GON4L: variants seen among roughly 807,000 people sequenced by gnomAD.
GON4L encodes the protein GON-4-like protein.
GON4L carries 87 observed loss-of-function variants against 211.8 expected under a neutral mutation model. The observed-to-expected ratio is 0.41, with a 90% CI of 0.35 to 0.49. The LOEUF is 0.49. Ranked by LOEUF, GON4L falls within the 20% of genes least tolerant of loss-of-function variation. The pLI is 0.15. For missense variants in GON4L, 2,155 were observed against 2,659.5 expected (o/e 0.81, Z 4.17); for synonymous variants, 875 against 962.6 (o/e 0.91, Z 1.68).
In GON4L at chr1:155,813,768, T is replaced by C. The variant is rs1347857153; in HGVS notation, c.1318A>G (p.Ser440Gly). The C allele has an allele frequency of 4.3e-6, 7 of 1,613,934 alleles. No individual in the cohort carries two copies. The highest frequency in any genetic ancestry group is 5.9e-6 in the Non-Finnish European group (7 of 1,179,842). ...GGCCCCATGGGCACTACCTCAGCAC[T>C]GATGTGCCTGATGGCTGGTGTGGTG... ...KVTTPAIRHI[S>G]AEVVPMGPPP... Residue 440 changes from serine to glycine, a missense_variant, in exon 10 of 32, where the codon AGT (serine) becomes GGT (glycine). Around this residue, in one of 6 missense-constraint regions of GON4L, gnomAD observed 551 missense variants for 854.0 expected, o/e 0.65. Transcript: ENST00000368331.
At chr1:155,857,262 G>A (rs115195577), upstream of GON4L, 148 of 152,584 alleles carry the variant, frequency 9.7e-4, no homozygotes, top group Non-Finnish European at 1.7e-3. Flanking sequence ...GCGCCGCAGT[G>A]CATCAAGGAG....
chr1:155,856,166 G>A (rs1247569331), intron 1 of GON4L, among the ~76,000 whole-genome samples: 1 of 151,920 alleles, frequency 6.6e-6, no homozygotes. Context: ...AAAAATAAAA[G>A]TTATTTGTAA....
chr1:155,826,566 C>CAA (rs58848983), intron 3 of GON4L, among the ~76,000 whole-genome samples: 53 of 63,754 alleles, frequency 8.3e-4, no homozygotes, highest in East Asian at 5.0e-3. Context: ...AACTCCGTCT[C>CAA]AAAAAAAAAA....
chr1:155,777,706 C>G lies in GON4L; in HGVS notation c.2007G>C (p.Lys669Asn). The stretch of plus-strand genomic sequence containing the variant: ...GAACTTTCTCACTCTGGGGTTTAAC[C>G]TTCTCTACTTCCTGCAGCTGTTTGG... ...SSAKQLQEVE[K>N]VKPQSEKVHQ... The change falls in exon 15 of 32, where the codon AAG becomes AAC. Residue 669 changes from lysine to asparagine, a missense_variant. Physicochemically the swap from Lys to Asn is moderately conservative, Grantham distance 94. Transcript: ENST00000368331. 1 of 1,613,270 alleles carries G rather than the reference C, an allele frequency of 6.2e-7. No individual in the cohort carries two copies. The highest frequency in any genetic ancestry group is 8.5e-7 in the Non-Finnish European group (1 of 1,179,240).
chr1:155,754,623 A>G (rs59706606), intron 27 of GON4L, 135 bp from the exon 28 acceptor site: 45,817 of 594,586 alleles, frequency 0.077, 4,313 homozygotes, highest in African/African-American at 0.37. Flanking sequence ...TCTGCCTCCC[A>G]GGTTCAAGGG....
At chr1:155,817,923 GAAA>G (rs749238086) in intron 6 of GON4L, among the ~76,000 whole-genome samples, 1 of 74,210 alleles carries the variant, frequency 1.3e-5, no homozygotes, top group Admixed American at 1.6e-4. Flanking sequence ...GCAAGTCACT[GAAA>G]AAAAAAAAAA....
At chr1:155,754,752 A>G (rs1332235321) in intron 27 of GON4L, among the ~76,000 whole-genome samples, 1 of 150,216 alleles carries the variant, frequency 6.7e-6, no homozygotes, top group East Asian at 2.0e-4. Flanking sequence ...CTGGTCTCGA[A>G]CTCCTGACCT....
rs961180629 is a variant in GON4L, at chr1:155,813,648, T to C, written c.1438A>G (p.Met480Val). The C allele has an allele frequency of 2.5e-6, 4 of 1,611,522 alleles. No individual in the cohort carries two copies. Among genetic ancestry groups the C allele is most frequent in the South Asian group, 2.2e-5 (2 of 91,038 alleles). Residue 480 changes from methionine to valine, a missense_variant, in exon 10 of 32, where the codon ATG (methionine) becomes GTG (valine). Transcript: ENST00000368331. ...TTAATATTTACCTGGAAAGAATCCATGCAGACTGGACTGGAAGCCAGCTCC... is the reference window on the plus strand; with the variant it reads ...TTAATATTTACCTGGAAAGAATCCACGCAGACTGGACTGGAAGCCAGCTCC... ...DEELASSPVC[M>V]DSFQPMDDSL...
chr1:155,788,947 G>A (rs192475867), intron 12 of GON4L, among the ~76,000 whole-genome samples: 200 of 151,836 alleles, frequency 1.3e-3, no homozygotes, highest in African/African-American at 4.3e-3. Flanking sequence ...AAAATTAGCC[G>A]GGCATGGTAG....
At chr1:155,774,881 G>A in intron 17 of GON4L, 121 bp downstream of exon 17, 2 of 1,085,274 alleles carry the variant, frequency 1.8e-6, no homozygotes, top group Non-Finnish European at 2.8e-6. Context: ...AGAGAAGGAA[G>A]AAATTACAAA....
chr1:155,759,987 T>C (rs910673320), intron 24 of GON4L, among the ~76,000 whole-genome samples: 21 of 147,646 alleles, frequency 1.4e-4, no homozygotes, highest in Admixed American at 2.7e-4. Flanking sequence ...ATATATGATA[T>C]ATATATATAT....
chr1:155,855,183 T>C (rs1302572940), intron 1 of GON4L, among the ~76,000 whole-genome samples: 2 of 152,216 alleles, frequency 1.3e-5, no homozygotes, highest in African/African-American at 4.8e-5. Flanking sequence ...ATTACTGACC[T>C]AAACCAGAGG....
intron 3 of GON4L, 68 bp from the exon 4 acceptor site, chr1:155,822,544 C>T (rs1557900779): frequency 1.7e-6 from 2 of 1,180,210 alleles, no homozygotes; most frequent in East Asian, 4.7e-5. Context: ...CCCAGAAAGC[C>T]AACAGTAAAG....
chr1:155,794,417 C>T (rs1665889877), intron 12 of GON4L, among the ~76,000 whole-genome samples: 2 of 152,166 alleles, frequency 1.3e-5, no homozygotes, highest in Non-Finnish European at 2.9e-5. Context: ...GATGTAAACA[C>T]TACCTAATCT....
intron 27 of GON4L, among the ~76,000 whole-genome samples, chr1:155,755,637 GC>G (rs1456087120): frequency 5.9e-5 from 9 of 152,090 alleles, no homozygotes; most frequent in Non-Finnish European, 1.2e-4. Flanking sequence ...TATCCCAATT[GC>G]CCCAGATGTT....
intron 2 of GON4L, among the ~76,000 whole-genome samples, chr1:155,851,912 C>A (rs1258136538): frequency 6.6e-6 from 1 of 152,034 alleles, no homozygotes; most frequent in Non-Finnish European, 1.5e-5. Flanking sequence ...CGCCTGTAAT[C>A]CCAGCACTTT....
chr1:155,780,535 G>T (rs2948072), intron 14 of GON4L, among the ~76,000 whole-genome samples: 80,103 of 151,796 alleles, frequency 0.53, 23,206 homozygotes, highest in Middle Eastern at 0.68. Context: ...AGAGGTTGCA[G>T]TGAGCCGAGA....
chr1:155,824,028 CAACGAAA>C (rs1175031497), intron 3 of GON4L, among the ~76,000 whole-genome samples: 1 of 151,922 alleles, frequency 6.6e-6, no homozygotes, highest in East Asian at 1.9e-4. Context: ...CATTTCCACC[CAACGAAA>C]AAGAAGTACA....
chr1:155,819,919 T>C (rs1668588009), intron 6 of GON4L, among the ~76,000 whole-genome samples: 1 of 152,098 alleles, frequency 6.6e-6, no homozygotes. Flanking sequence ...ATTTTTTTGT[T>C]TGTTTTTGTT....
Sources: gnomAD v4.1 joint callset for allele counts (sites outside exome capture counted in the v4.1 genomes callset) on GRCh38, gnomAD v4.1.1 for gene constraint, gnomAD v4.1.1 regional missense constraint, MANE v1.5 for transcripts, NCBI Gene and HGNC (gene_info 2026-07-23, HGNC 2026-07-21) for gene names.